Variants in PKHD1 observed in about 807,000 individuals in gnomAD.
The protein encoded by PKHD1 is fibrocystin.
Under a neutral mutation model 412.0 loss-of-function variants are expected in PKHD1, and 291 were observed. The observed-to-expected ratio is 0.71, with a 90% CI of 0.64 to 0.78. The LOEUF is 0.78. Among genes scored for constraint, PKHD1 ranks in the 30% least tolerant of loss-of-function variants. The pLI, the probability that PKHD1 is intolerant of heterozygous loss-of-function variation, is 0.00. For missense variants in PKHD1, 4,825 were observed against 4,950.7 expected (o/e 0.97, Z 0.76); for synonymous variants, 1,777 against 1,821.5 (o/e 0.98, Z 0.62).
At chr6:52,053,678 CT>C (rs1266682328) in intron 20 of PKHD1, among the ~76,000 whole-genome samples, 1 of 152,178 alleles carries the variant, frequency 6.6e-6, no homozygotes, top group Non-Finnish European at 1.5e-5. Flanking sequence ...ATCAAGACAG[CT>C]GAATTTTATT....
Position 52,046,367 on chromosome 6 carries a change from G to T in PKHD1, c.2408-179C>A, listed in dbSNP as rs564617903. Among the ~76,000 whole-genome samples, 88 of 152,196 alleles carry T rather than the reference G, an allele frequency of 5.8e-4. 2 individuals are homozygous for T. The highest frequency in any genetic ancestry group is 2.0e-3 in the African/African-American group (84 of 41,520). The stretch of plus-strand genomic sequence containing the variant: ...CATAATTAAACCATTTTTTCCTAAG[G>T]TAAAGACAAGTAGATGCCCACTTTT... On this transcript the variant is annotated intron_variant, in intron 23 of 66. Transcript: ENST00000371117.
intron 35 of PKHD1, among the ~76,000 whole-genome samples, chr6:52,006,190 T>A (rs1245320567): frequency 6.6e-6 from 1 of 151,694 alleles, no homozygotes; most frequent in East Asian, 1.9e-4. Context: ...ATATATATAT[T>A]TTAGACGGAG....
intron 36 of PKHD1, among the ~76,000 whole-genome samples, chr6:51,944,865 CT>C (rs1789208453): frequency 6.6e-6 from 1 of 152,228 alleles, no homozygotes; most frequent in Admixed American, 6.5e-5. Flanking sequence ...CACTTGAGCA[CT>C]GCTAGACCAT....
intron 60 of PKHD1, among the ~76,000 whole-genome samples, chr6:51,678,796 T>C (rs1388668799): frequency 6.6e-6 from 1 of 152,124 alleles, no homozygotes; most frequent in African/African-American, 2.4e-5. Context: ...ACCTTCTCTC[T>C]ACCTTCTTAC....
chr6:52,071,775 T>C (rs796574147), intron 8 of PKHD1, among the ~76,000 whole-genome samples: 6 of 152,260 alleles, frequency 3.9e-5, no homozygotes, highest in African/African-American at 1.2e-4. Context: ...AAATTCCTCA[T>C]CTATAATGTG....
intron 52 of PKHD1, among the ~76,000 whole-genome samples, chr6:51,815,120 C>G (rs7760761): frequency 6.6e-6 from 1 of 151,888 alleles, no homozygotes. Context: ...CCTTAAGTTT[C>G]CAAAAGTCCT....
At position 51,626,996 on chromosome 6, in the gene PKHD1, C is replaced by A. The variant is rs1488844530; in HGVS notation, c.11785+1G>T. The A allele has an allele frequency of 6.2e-7, 1 of 1,613,270 alleles. No homozygotes were observed. Among genetic ancestry groups the A allele is most frequent in the East Asian group, 2.2e-5 (1 of 44,854 alleles). On this transcript the variant is annotated splice_donor_variant, in intron 66 of 66. Coordinates refer to ENST00000371117, the MANE Select transcript of PKHD1 (RefSeq NM_138694.4). LOFTEE classifies it high-confidence loss of function. The stretch of plus-strand genomic sequence containing the variant: ...GGATCATCTCCACCCTCCAAGCTTA[C>A]CTTCTCCCACCACAGTGTCTTCTTT...
chr6:51,789,565 G>A (rs1170664896), intron 53 of PKHD1, among the ~76,000 whole-genome samples: 1 of 135,060 alleles, frequency 7.4e-6, no homozygotes, highest in Non-Finnish European at 1.6e-5. Context: ...ATGTGTGCAT[G>A]TGTATGTATG....
At chr6:51,718,310 T>C (rs1781505269) in intron 60 of PKHD1, among the ~76,000 whole-genome samples, 1 of 152,200 alleles carries the variant, frequency 6.6e-6, no homozygotes, top group Non-Finnish European at 1.5e-5. Context: ...TGTGTCCAAT[T>C]TGCCACATTA....
At chr6:51,936,649 G>A (rs1056040380) in intron 36 of PKHD1, among the ~76,000 whole-genome samples, 1 of 152,140 alleles carries the variant, frequency 6.6e-6, no homozygotes, top group Non-Finnish European at 1.5e-5. Context: ...AGGCAAGGGC[G>A]TTACAAAGTT....
chr6:52,043,763 T>G (rs1805312169), intron 25 of PKHD1, 33 bp from the exon 26 acceptor site: 2 of 1,457,900 alleles, frequency 1.4e-6, no homozygotes, highest in East Asian at 4.5e-5. Context: ...TTCCATTTTA[T>G]GCATTTCATA....
intron 52 of PKHD1, among the ~76,000 whole-genome samples, chr6:51,792,199 T>A (rs929414214): frequency 6.6e-6 from 1 of 152,168 alleles, no homozygotes; most frequent in African/African-American, 2.4e-5. Flanking sequence ...AACACAACAT[T>A]TTCATTTAAA....
At chr6:51,677,848 T>C (rs1776087673) in intron 60 of PKHD1, among the ~76,000 whole-genome samples, 1 of 152,140 alleles carries the variant, frequency 6.6e-6, no homozygotes, top group South Asian at 2.1e-4. Flanking sequence ...CAACCATTTT[T>C]CCTTTTTACT....
intron 52 of PKHD1, among the ~76,000 whole-genome samples, chr6:51,794,208 T>G (rs190159472): frequency 3.3e-5 from 5 of 152,266 alleles, no homozygotes; most frequent in Admixed American, 3.3e-4. Context: ...TTTTTGACTT[T>G]TTAATAATAG....
intron 52 of PKHD1, among the ~76,000 whole-genome samples, chr6:51,807,479 A>ATG (rs1216842472): frequency 0.057 from 5,890 of 103,008 alleles, 365 homozygotes; most frequent in Middle Eastern, 0.091. Flanking sequence ...ATATATATAT[A>ATG]TGTATATGTG....
intron 60 of PKHD1, among the ~76,000 whole-genome samples, chr6:51,725,846 T>G (rs536811875): frequency 2.0e-5 from 3 of 152,320 alleles, no homozygotes; most frequent in Non-Finnish European, 2.9e-5. Context: ...AATTACAGTC[T>G]TCACCCAGTT....
chr6:51,618,708 A>T lies in PKHD1; in HGVS notation c.*373T>A. The T allele has an allele frequency of 2.9e-6, 1 of 342,914 alleles. No individual in the cohort carries two copies. Among genetic ancestry groups the T allele is most frequent in the South Asian group, 2.4e-5 (1 of 41,838 alleles). 21.2% of individuals were successfully genotyped at this position (342,914 alleles called of 1,614,324 possible). A position where few individuals can be genotyped will look rare whatever the true frequency, so the allele number is the denominator to read the frequency against. ...ACCTTTTCATGATCCCTTCTATAAAAGAAGCTCAAAGCATTGTGGGTGGTC... is the reference window on the plus strand; with the variant it reads ...ACCTTTTCATGATCCCTTCTATAAATGAAGCTCAAAGCATTGTGGGTGGTC... On this transcript the variant is annotated 3_prime_UTR_variant, in exon 67 of 67. Transcript: ENST00000371117.
At chr6:51,832,676 C>T (rs1359745602) in intron 51 of PKHD1, among the ~76,000 whole-genome samples, 8 of 151,870 alleles carry the variant, frequency 5.3e-5, no homozygotes, top group Non-Finnish European at 1.0e-4. Context: ...TTGGCATCAT[C>T]GGCCTAGAAG....
At chr6:51,885,421 G>A (rs996989052) in intron 45 of PKHD1, among the ~76,000 whole-genome samples, 5 of 152,044 alleles carry the variant, frequency 3.3e-5, no homozygotes, top group East Asian at 3.8e-4. Context: ...TCAGGATATC[G>A]GGACATCAAA....
Sources: allele counts gnomAD v4.1 joint callset (sites outside exome capture counted in the v4.1 genomes callset), GRCh38; gene constraint gnomAD v4.1.1; transcripts MANE v1.5; gene names NCBI Gene and HGNC (gene_info 2026-07-23, HGNC 2026-07-21).